AMZ1: variants seen among roughly 807,000 people sequenced by gnomAD.
AMZ1 encodes the protein archaelysin family metallopeptidase 1, also known as archaemetzincin-1.
A neutral mutation model predicts 29.9 loss-of-function variants in AMZ1; 39 were observed. That is an observed-to-expected ratio of 1.30 (90% CI 1.01 to 1.70). The LOEUF is 1.70. Ranked by LOEUF, AMZ1 falls within the 40% of genes most tolerant of loss-of-function variation. The pLI is 0.00. For missense variants in AMZ1, 1,041 were observed against 680.6 expected (o/e 1.53, Z -5.89); for synonymous variants, 458 against 304.0 (o/e 1.51, Z -5.27).
chr7:2,743,397 A>G (rs1271576976), intron 4 of AMZ1, among the ~76,000 whole-genome samples: 1 of 152,182 alleles, frequency 6.6e-6, no homozygotes, highest in Admixed American at 6.5e-5. Flanking sequence ...GAAGATATTC[A>G]TCATCAGGGG....
At chr7:2,762,867 C>A (rs1021633102), upstream of AMZ1, 2 of 1,451,036 alleles carry the variant, frequency 1.4e-6, no homozygotes, top group South Asian at 1.4e-5. Context: ...GGGCCAGCTC[C>A]GAGCCCTGCT....
At chr7:2,752,921 T>A (rs1212767538) in intron 4 of AMZ1, among the ~76,000 whole-genome samples, 1 of 152,192 alleles carries the variant, frequency 6.6e-6, no homozygotes, top group Admixed American at 6.5e-5. Flanking sequence ...GTCACCTGTC[T>A]AGATTTGTGT....
At chr7:2,736,372 C>T (rs377492660) in intron 4 of AMZ1, among the ~76,000 whole-genome samples, 2 of 152,212 alleles carry the variant, frequency 1.3e-5, no homozygotes, top group South Asian at 2.1e-4. Flanking sequence ...CTTGGACTTG[C>T]GGATTAAATG....
chr7:2,727,292 G>C (rs755671084), intron 4 of AMZ1, among the ~76,000 whole-genome samples: 1 of 152,136 alleles, frequency 6.6e-6, no homozygotes, highest in Non-Finnish European at 1.5e-5. Context: ...ATGTTGGCCA[G>C]GATGGTCTCG....
rs1047004408 is a variant in AMZ1 at position 2,719,144 on chromosome 7, A to G, written c.*6266A>G. Among the ~76,000 whole-genome samples the G allele has an allele frequency of 2.1e-4, 32 of 152,030 alleles. No individual in the cohort carries two copies. Among genetic ancestry groups the G allele is most frequent in the African/African-American group, 6.8e-4 (28 of 41,378 alleles). The stretch of plus-strand genomic sequence containing the variant: ...GGCTCGAGGCCTTTACTGGATGGGC[A>G]GGATGCGGGCAGCAGCTTTGTCGGC... On this transcript the variant is annotated 3_prime_UTR_variant, in exon 7 of 7. Coordinates refer to ENST00000683327, the MANE Select transcript of AMZ1 (RefSeq NM_001384743.1).
upstream of AMZ1, chr7:2,762,748 G>A (rs751185082): frequency 3.2e-6 from 5 of 1,553,222 alleles, no homozygotes; most frequent in South Asian, 6.0e-5. Flanking sequence ...CCCGCAGGAA[G>A]TGCACCAGGC....
intron 3 of AMZ1, among the ~76,000 whole-genome samples, chr7:2,704,606 TTTTTTTTTA>T (rs1038543105): frequency 3.8e-5 from 5 of 129,928 alleles, no homozygotes; most frequent in African/African-American, 1.5e-4. Context: ...TTTTTTTTTT[TTTTTTTTTA>T]AGACGGAGTC....
chr7:2,687,220 A>G (rs944573697), upstream of AMZ1, among the ~76,000 whole-genome samples: 1 of 152,072 alleles, frequency 6.6e-6, no homozygotes, highest in African/African-American at 2.4e-5. Context: ...CCCACTACTC[A>G]GGCGGCTGAG....
rs781329417 is a variant in AMZ1, at chr7:2,700,495, G to A, written c.44G>A (p.Arg15Gln). 15 of 1,604,872 alleles carry A rather than the reference G, an allele frequency of 9.3e-6. No individual in the cohort carries two copies. The highest frequency in any genetic ancestry group is 8.8e-5 in the South Asian group (8 of 91,080). The change falls in exon 2 of 7, where the codon CGG (arginine) becomes CAG (glutamine). Residue 15 changes from arginine to glutamine, a missense_variant. Coordinates refer to ENST00000683327, the MANE Select transcript of AMZ1 (RefSeq NM_001384743.1). ...RPAQEFSFGP[R>Q]ALKDALVSTD... ...GCACAGGAGTTCAGCTTCGGGCCCC[G>A]GGCCTTGAAGGACGCTCTGGTCTCC...
chr7:2,709,546 A>C (rs558550939), intron 5 of AMZ1, 94 bp from the exon 6 acceptor site: 1 of 1,511,338 alleles, frequency 6.6e-7, no homozygotes, highest in Non-Finnish European at 8.8e-7. Context: ...GGCCTCACCC[A>C]GGTCCTCATT....
At chr7:2,697,321 T>G (rs1056184495) in intron 1 of AMZ1, among the ~76,000 whole-genome samples, 6 of 152,130 alleles carry the variant, frequency 3.9e-5, no homozygotes, top group African/African-American at 1.4e-4. Context: ...GGTCTCGAAC[T>G]CCTGACCTCG....
chr7:2,708,739 G>C, intron 4 of AMZ1, 23 bp downstream of exon 4: 6 of 1,611,586 alleles, frequency 3.7e-6, no homozygotes, highest in Non-Finnish European at 5.1e-6. Flanking sequence ...CCCAGCAGCT[G>C]TGCGTGGGGG....
At chr7:2,704,417 G>A (rs750619390) in intron 3 of AMZ1, among the ~76,000 whole-genome samples, 45 of 151,980 alleles carry the variant, frequency 3.0e-4, no homozygotes, top group Non-Finnish European at 5.1e-4. Context: ...GTTTGAAACT[G>A]CAGTGAGCTG....
At chr7:2,752,767 T>C (rs1269561192) in intron 4 of AMZ1, among the ~76,000 whole-genome samples, 1 of 152,344 alleles carries the variant, frequency 6.6e-6, no homozygotes, top group Non-Finnish European at 1.5e-5. Flanking sequence ...TATAGATGCA[T>C]AGGAAGTTGC....
downstream of AMZ1, among the ~76,000 whole-genome samples, chr7:2,720,020 G>A (rs1350099624): frequency 3.3e-5 from 5 of 152,234 alleles, no homozygotes; most frequent in South Asian, 2.1e-4. Flanking sequence ...CGAAGAGGAT[G>A]AAATTCTGGA....
Position 2,713,746 on chromosome 7 carries a change from G to C in AMZ1, c.*868G>C, listed in dbSNP as rs1048786226. The C allele has an allele frequency of 5.9e-5, 9 of 152,510 alleles. No homozygotes were observed. The highest frequency in any genetic ancestry group is 2.2e-4 in the African/African-American group (9 of 41,472). The allele number at this position is 152,510 out of a possible 1,614,324, so 9.4% of individuals were successfully genotyped here. ...TTCTGACAAACACTGCAGGAGGTGA[G>C]GGTGTCTGACGTGCACTGAGGGCAG... is the stretch of plus-strand genomic sequence containing the variant. On this transcript the variant is annotated 3_prime_UTR_variant, in exon 7 of 7. Transcript: ENST00000683327.
intron 1 of AMZ1, among the ~76,000 whole-genome samples, chr7:2,697,408 T>G (rs1787808073): frequency 6.6e-6 from 1 of 152,058 alleles, no homozygotes; most frequent in African/African-American, 2.4e-5. Context: ...TATTTTTTAT[T>G]TTTTAAAATA....
intron 4 of AMZ1, among the ~76,000 whole-genome samples, chr7:2,746,501 T>G (rs1184807600): frequency 2.0e-5 from 3 of 152,020 alleles, no homozygotes; most frequent in Non-Finnish European, 2.9e-5. Context: ...CCAGAATCTC[T>G]GGGACACATT....
At chr7:2,758,456 G>C (rs1482417306) in intron 4 of AMZ1, among the ~76,000 whole-genome samples, 1 of 152,170 alleles carries the variant, frequency 6.6e-6, no homozygotes, top group African/African-American at 2.4e-5. Context: ...GTTCTAAGAC[G>C]AGCCTCAATG....
Sources: gnomAD v4.1 joint callset for allele counts (sites outside exome capture counted in the v4.1 genomes callset) on GRCh38, gnomAD v4.1.1 for gene constraint, MANE v1.5 for transcripts, NCBI Gene and HGNC (gene_info 2026-07-23, HGNC 2026-07-21) for gene names.